ZNG1F: variants seen among roughly 807,000 people sequenced by gnomAD.
The protein encoded by ZNG1F is zinc-regulated GTPase metalloprotein activator 1F.
the ZNG1F span, among the ~76,000 whole-genome samples, chr9:41,187,682 T>C: frequency 7.0e-6 from 1 of 142,126 alleles, no homozygotes; most frequent in African/African-American, 2.6e-5. Flanking sequence ...ATGGTTGGGA[T>C]CACAGAAGCA....
chr9:41,174,232 G>A, the ZNG1F span: 265 of 1,186,756 alleles, frequency 2.2e-4, no homozygotes, highest in African/African-American at 1.5e-3. Flanking sequence ...CTCTGTCTCA[G>A]AAAAAAAAAA....
the ZNG1F span, among the ~76,000 whole-genome samples, chr9:41,136,514 C>T: frequency 1.4e-4 from 4 of 28,216 alleles, 2 homozygotes; most frequent in Non-Finnish European, 4.7e-4. Flanking sequence ...GTGATACTGG[C>T]TTCATAGAAT....
At chr9:41,185,537 G>A in the ZNG1F span, among the ~76,000 whole-genome samples, 1 of 146,408 alleles carries the variant, frequency 6.8e-6, no homozygotes, top group Non-Finnish European at 1.5e-5. Flanking sequence ...TCTGGGCATG[G>A]TGGCGCATGC....
At chr9:41,133,160 TACA>T in the ZNG1F span, 1 of 85,216 alleles carries the variant, frequency 1.2e-5, no homozygotes, top group Non-Finnish European at 1.9e-5. Context: ...TTGTTTAGAG[TACA>T]ACAAATGTTT....
the ZNG1F span, among the ~76,000 whole-genome samples, chr9:41,193,504 T>C: frequency 1.3e-5 from 2 of 149,942 alleles, no homozygotes; most frequent in African/African-American, 4.9e-5. Flanking sequence ...CGAGTTTTTT[T>C]TTTCTTCTCC....
chr9:41,204,813 G>T, the ZNG1F span, among the ~76,000 whole-genome samples: 1 of 46,624 alleles, frequency 2.1e-5, no homozygotes, highest in African/African-American at 5.0e-5. Flanking sequence ...CCACAGATAA[G>T]CTTTATAGTA....
chr9:41,157,218 T>C, the ZNG1F span: 3 of 146,662 alleles, frequency 2.0e-5, no homozygotes, highest in African/African-American at 7.6e-5. Flanking sequence ...TCCCAGCACT[T>C]TGGGAGGCCG....
At chr9:41,140,890 T>A in the ZNG1F span, among the ~76,000 whole-genome samples, 1 of 150,618 alleles carries the variant, frequency 6.6e-6, no homozygotes, top group East Asian at 2.0e-4. Context: ...CATGCCTGGC[T>A]AATTTTTTGT....
the ZNG1F span, among the ~76,000 whole-genome samples, chr9:41,150,300 C>A: frequency 1.3e-5 from 2 of 150,662 alleles, no homozygotes; most frequent in East Asian, 3.9e-4. Flanking sequence ...GATTGTGTCC[C>A]GCACCTGGCT....
At chr9:41,137,403 T>C in the ZNG1F span, among the ~76,000 whole-genome samples, 2 of 146,876 alleles carry the variant, frequency 1.4e-5, 1 homozygote, top group Middle Eastern at 6.6e-3. Flanking sequence ...ATATGGTCTA[T>C]CTTACAGAAA....
the ZNG1F span, chr9:41,158,892 A>G: frequency 7.0e-6 from 1 of 142,482 alleles, no homozygotes; most frequent in East Asian, 2.0e-4. Context: ...AAAGGAAAAA[A>G]AAGACCATTA....
chr9:41,178,782 G>A, the ZNG1F span, among the ~76,000 whole-genome samples: 1 of 48,732 alleles, frequency 2.1e-5, no homozygotes, highest in Non-Finnish European at 3.9e-5. Context: ...TGGCCAGGCT[G>A]GTCTTAAACT....
At chr9:41,136,454 T>C in the ZNG1F span, among the ~76,000 whole-genome samples, 2 of 29,232 alleles carry the variant, frequency 6.8e-5, 1 homozygote, top group Non-Finnish European at 2.3e-4. Context: ...TCAAGGATAT[T>C]GGTCTGTAGT....
At chr9:41,192,941 A>G in the ZNG1F span, among the ~76,000 whole-genome samples, 2 of 152,006 alleles carry the variant, frequency 1.3e-5, no homozygotes, top group South Asian at 2.1e-4. Flanking sequence ...TGTCTCATTT[A>G]CTTTAGGGTA....
the ZNG1F span, chr9:41,164,841 T>C: frequency 2.0e-6 from 1 of 498,872 alleles, no homozygotes; most frequent in East Asian, 3.2e-5. Context: ...TGTATTACCA[T>C]TTATATAACA....
chr9:41,175,090 G>C, the ZNG1F span, among the ~76,000 whole-genome samples: 2 of 145,444 alleles, frequency 1.4e-5, no homozygotes, highest in African/African-American at 5.2e-5. Context: ...TTAGTGACAG[G>C]GCTGTCTAAA....
the ZNG1F span, among the ~76,000 whole-genome samples, chr9:41,204,908 T>C: frequency 7.0e-3 from 1,049 of 149,034 alleles, no homozygotes; most frequent in Non-Finnish European, 0.01. Flanking sequence ...TTAATGTTTT[T>C]ATTGTAGTTT....
At chr9:41,139,655 G>A in the ZNG1F span, among the ~76,000 whole-genome samples, 1 of 151,782 alleles carries the variant, frequency 6.6e-6, no homozygotes, top group Non-Finnish European at 1.5e-5. Flanking sequence ...AATTGAACTT[G>A]CAAATGTGAG....
chr9:41,187,221 G>T, the ZNG1F span, among the ~76,000 whole-genome samples: 1 of 139,182 alleles, frequency 7.2e-6, no homozygotes, highest in Non-Finnish European at 1.6e-5. Flanking sequence ...AAGTGAACAA[G>T]ATAGTCTCTG....
Sources: gnomAD v4.1 joint callset for allele counts (sites outside exome capture counted in the v4.1 genomes callset) on GRCh38, gnomAD v4.1.1 for gene constraint, MANE v1.5 for transcripts, NCBI Gene and HGNC (gene_info 2026-07-23, HGNC 2026-07-21) for gene names.